Variants in SUGCT observed in about 807,000 individuals in gnomAD.
SUGCT encodes succinyl-CoA:glutarate-CoA transferase, also known as succinyl-CoA:glutarate CoA-transferase.
SUGCT carries 41 observed loss-of-function variants against 55.0 expected under a neutral mutation model. That is an observed-to-expected ratio of 0.74 (90% confidence interval 0.58 to 0.97). SUGCT has a LOEUF of 0.97. Ranked by LOEUF, SUGCT falls within the 50% of genes least tolerant of loss-of-function variation. The probability of loss-of-function intolerance (pLI) is 0.00; values close to 1 mark genes in which losing one functional copy is unlikely to be tolerated. For missense variants in SUGCT, 568 were observed against 547.8 expected, an observed-to-expected ratio of 1.04 and a Z score of -0.37; for synonymous variants, 187 against 200.4, an observed-to-expected ratio of 0.93 and a Z score of 0.56.
At chr7:40,409,705 AT>A (rs111917936) in intron 9 of SUGCT, among the ~76,000 whole-genome samples, 2,665 of 141,968 alleles carry the variant, frequency 0.019, 43 homozygotes, top group African/African-American at 0.054. Flanking sequence ...ATTTTGGATA[AT>A]TTTTTTTTTT....
chr7:40,479,093 T>A (rs926563228), intron 11 of SUGCT, among the ~76,000 whole-genome samples: 1 of 152,154 alleles, frequency 6.6e-6, no homozygotes, highest in Non-Finnish European at 1.5e-5. Context: ...CATATATATG[T>A]TTGTGCACCT....
At chr7:40,657,777 A>G (rs1043244715) in intron 12 of SUGCT, among the ~76,000 whole-genome samples, 5 of 151,988 alleles carry the variant, frequency 3.3e-5, no homozygotes, top group Non-Finnish European at 7.4e-5. Flanking sequence ...CTCGTGATTC[A>G]CCCACCTTGG....
At chr7:40,162,555 C>T (rs1368169011) in intron 1 of SUGCT, among the ~76,000 whole-genome samples, 2 of 152,212 alleles carry the variant, frequency 1.3e-5, no homozygotes, top group African/African-American at 4.8e-5. Flanking sequence ...TAGCTCATTG[C>T]AGCCTTGACC....
chr7:40,369,728 G>T (rs944332237), intron 9 of SUGCT, among the ~76,000 whole-genome samples: 27 of 152,282 alleles, frequency 1.8e-4, no homozygotes, highest in African/African-American at 5.5e-4. Flanking sequence ...AATGGCAGTA[G>T]AATTACTGGA....
At chr7:40,882,837 T>A in the SUGCT span, among the ~76,000 whole-genome samples, 17,207 of 152,258 alleles carry the variant, frequency 0.11, 1,145 homozygotes, top group Admixed American at 0.18. Context: ...ATATTTTTTT[T>A]ATTCTAGGAG....
chr7:40,668,430 G>T (rs1211954435), intron 12 of SUGCT, among the ~76,000 whole-genome samples: 1 of 151,994 alleles, frequency 6.6e-6, no homozygotes, highest in Non-Finnish European at 1.5e-5. Flanking sequence ...TTGTCTTGGG[G>T]ATCTTTTCAT....
chr7:40,737,946 C>T (rs1324729609), intron 12 of SUGCT, among the ~76,000 whole-genome samples: 3 of 150,908 alleles, frequency 2.0e-5, no homozygotes, highest in South Asian at 2.1e-4. Flanking sequence ...AAAAAAAGGC[C>T]GGGCGCAGAG....
At chr7:41,005,710 C>A in the SUGCT span, among the ~76,000 whole-genome samples, 1 of 152,124 alleles carries the variant, frequency 6.6e-6, no homozygotes, top group Admixed American at 6.6e-5. Flanking sequence ...ATGTGGTCAG[C>A]CTTATAAGGA....
chr7:40,489,523 A>G (rs1017867015), intron 11 of SUGCT, among the ~76,000 whole-genome samples: 2 of 152,058 alleles, frequency 1.3e-5, no homozygotes, highest in South Asian at 2.1e-4. Context: ...TCTACTAAAA[A>G]TACAAAAATT....
intron 12 of SUGCT, among the ~76,000 whole-genome samples, chr7:40,565,479 C>T (rs1182218061): frequency 3.3e-5 from 5 of 152,080 alleles, no homozygotes; most frequent in Non-Finnish European, 7.4e-5. Context: ...TTCATCTTTT[C>T]TTTGATTCAA....
At chr7:40,902,385 C>T in the SUGCT span, among the ~76,000 whole-genome samples, 1 of 151,912 alleles carries the variant, frequency 6.6e-6, no homozygotes, top group Non-Finnish European at 1.5e-5. Context: ...TGAGACCATC[C>T]TGGCTAATAT....
chr7:40,336,134 G>A (rs998844321), intron 9 of SUGCT, among the ~76,000 whole-genome samples: 10 of 152,174 alleles, frequency 6.6e-5, no homozygotes, highest in Non-Finnish European at 1.3e-4. Flanking sequence ...TTGATGTGCT[G>A]CTGGATTCGG....
chr7:40,489,694 A>G (rs1184809224), intron 11 of SUGCT, among the ~76,000 whole-genome samples: 1 of 152,086 alleles, frequency 6.6e-6, no homozygotes, highest in East Asian at 1.9e-4. Context: ...AACAAAACAA[A>G]AAACAAAAAA....
At chr7:40,451,526 T>G (rs1392931265) in intron 10 of SUGCT, among the ~76,000 whole-genome samples, 1 of 152,216 alleles carries the variant, frequency 6.6e-6, no homozygotes, top group African/African-American at 2.4e-5. Context: ...AATGGCACAC[T>G]TGACCTTGAT....
the SUGCT span, among the ~76,000 whole-genome samples, chr7:41,025,698 A>G: frequency 6.6e-6 from 1 of 152,206 alleles, no homozygotes; most frequent in African/African-American, 2.4e-5. Context: ...AGTTGTGTTA[A>G]ATAAAATAAT....
At chr7:40,819,862 G>C (rs906029965) in intron 13 of SUGCT, among the ~76,000 whole-genome samples, 1 of 152,134 alleles carries the variant, frequency 6.6e-6, no homozygotes, top group Non-Finnish European at 1.5e-5. Context: ...GTATTGCCTA[G>C]GTTTTCTTCT....
Position 40,144,311 on chromosome 7 carries a change from G to A in SUGCT, c.100+9191G>A, listed in dbSNP as rs539034636. Among the ~76,000 whole-genome samples, 15 of 152,288 alleles carry A rather than the reference G, an allele frequency of 9.8e-5. 1 individual carries two copies. In the South Asian group the frequency reaches 2.9e-3, roughly 29 times the overall value. On this transcript the variant is annotated intron_variant, in intron 1 of 13. Transcript: ENST00000335693. ...ACTTGGTTATGTTAATAACTAGATG[G>A]TCAGCAATAGAGCGAGGAAAGAAGA... is the stretch of plus-strand genomic sequence containing the variant.
intron 12 of SUGCT, among the ~76,000 whole-genome samples, chr7:40,498,496 T>G (rs1792106238): frequency 6.6e-6 from 1 of 152,138 alleles, no homozygotes; most frequent in African/African-American, 2.4e-5. Context: ...CCACCAGAAC[T>G]ATCATCCTGT....
At position 40,376,473 on chromosome 7, in the gene SUGCT, C is replaced by A. The variant is rs6964918; in HGVS notation, c.816+59618C>A. 9.1e-3 allele frequency among the ~76,000 whole-genome samples: 1,388 copies of A among 151,770 alleles called. 10 individuals carry two copies. Among genetic ancestry groups the A allele is most frequent in the Middle Eastern group, 0.017 (5 of 294 alleles). ...GGCACGTGATCTCCACTCACTGCAA[C>A]CTCTGCCTTCCGGGTTTAAGCGATT... is the stretch of plus-strand genomic sequence containing the variant. On this transcript the variant is annotated intron_variant, in intron 9 of 13. Transcript: ENST00000335693.
Sources: allele counts gnomAD v4.1 joint callset (sites outside exome capture counted in the v4.1 genomes callset), GRCh38; gene constraint gnomAD v4.1.1; transcripts MANE v1.5; gene names NCBI Gene and HGNC (gene_info 2026-07-23, HGNC 2026-07-21).